Variants in FBXW10 observed in about 807,000 individuals in gnomAD.
The protein encoded by FBXW10 is F-box and WD repeat domain containing 10, also known as F-box/WD repeat-containing protein 10.
In FBXW10, 68 loss-of-function variants were observed where a neutral mutation model predicts 113.1. The observed-to-expected ratio is 0.60, with a 90% CI of 0.49 to 0.74. The LOEUF (loss-of-function observed/expected upper bound fraction) is 0.74. Ranked by LOEUF, FBXW10 falls within the 30% of genes least tolerant of loss-of-function variation. FBXW10 has a pLI of 0.00. For synonymous variants in FBXW10, 289 were observed against 481.6 expected, an observed-to-expected ratio of 0.60 and a Z score of 5.24; for missense variants, 753 against 1,284.5, an observed-to-expected ratio of 0.59 and a Z score of 6.32.
chr17:18,765,347 G>A (rs1408531332), intron 8 of FBXW10, among the ~76,000 whole-genome samples: 3 of 152,150 alleles, frequency 2.0e-5, no homozygotes, highest in Admixed American at 1.3e-4. Context: ...ATAAGTGAAG[G>A]AAAGCATACT....
rs189915194 is a variant in FBXW10, at chr17:18,764,727, G to C, written c.1434-15G>C. On this transcript the variant is annotated splice_polypyrimidine_tract_variant and intron_variant, in intron 7 of 13. Coordinates refer to ENST00000395665, the MANE Select transcript of FBXW10 (RefSeq NM_001267585.2). ...CCTCAGGAACTCTCACATTCTTTTG[G>C]CCTGATTCCTGCAGATACTGGGATC... is the stretch of plus-strand genomic sequence containing the variant. The C allele has an allele frequency of 1.5e-3, 2,398 of 1,613,582 alleles. No individual in the cohort carries two copies. The highest frequency in any genetic ancestry group is 3.2e-3 in the Admixed American group (189 of 59,958).
intron 7 of FBXW10, among the ~76,000 whole-genome samples, chr17:18,763,444 C>T (rs569124218): frequency 5.9e-5 from 9 of 152,146 alleles, no homozygotes; most frequent in African/African-American, 1.9e-4. Context: ...GTGTGAGCCA[C>T]CGTGCCCGGC....
chr17:18,765,918 G>A (rs2035489186), intron 8 of FBXW10, among the ~76,000 whole-genome samples: 2 of 151,388 alleles, frequency 1.3e-5, no homozygotes, highest in Admixed American at 1.3e-4. Context: ...TAGTAGAGAC[G>A]GGGTTTCACC....
In FBXW10 at chr17:18,746,981, G is replaced by A. The variant is rs1316125666; in HGVS notation, c.506-960G>A. On this transcript the variant is annotated intron_variant, in intron 1 of 13. Coordinates refer to ENST00000395665, the MANE Select transcript of FBXW10 (RefSeq NM_001267585.2). ...CTGTTGCCCAGGCTGGAGTGCAGTG[G>A]CCTGATCTTGGCTCACTGCTGCAAG... Among the ~76,000 whole-genome samples the A allele has an allele frequency of 2.1e-4, 32 of 150,692 alleles. No individual in the cohort carries two copies. In the South Asian group the frequency reaches 6.6e-3, roughly 31 times the overall value.
intron 12 of FBXW10, among the ~76,000 whole-genome samples, chr17:18,774,583 C>T (rs775647144): frequency 1.3e-5 from 2 of 152,092 alleles, no homozygotes; most frequent in East Asian, 1.9e-4. Context: ...CACCTGAGGT[C>T]GGGAGTTTGA....
chr17:18,746,995 CACT>C (rs1248834213), intron 1 of FBXW10, among the ~76,000 whole-genome samples: 10 of 149,932 alleles, frequency 6.7e-5, no homozygotes, highest in Middle Eastern at 3.4e-3. Flanking sequence ...GATCTTGGCT[CACT>C]GCTGCAAGCT....
At chr17:18,758,572 T>A in intron 7 of FBXW10, 67 bp downstream of exon 7, 1 of 1,580,702 alleles carries the variant, frequency 6.3e-7, no homozygotes, top group Non-Finnish European at 8.6e-7. Context: ...ATGGAAGAAG[T>A]GTGCATGCTT....
In FBXW10 at chr17:18,748,088, G is replaced by A. The variant is rs767509205; in HGVS notation, c.653G>A (p.Gly218Glu). Reference protein sequence around the residue: ...SKAPENEHLLGAASNPEEPWR... With the variant: ...SKAPENEHLLEAASNPEEPWR... ...GCCCCAGAAAATGAACACTTGCTTG[G>A]GGCAGCATCTAACCCTGGTAAGTGA... Residue 218 changes from glycine (G) to glutamate (E), a missense_variant, in exon 2 of 14, where the codon GGG (glycine) becomes GAG (glutamate). Gly to Glu is a moderately conservative substitution (Grantham distance 98). Coordinates refer to ENST00000395665, the MANE Select transcript of FBXW10 (RefSeq NM_001267585.2). 6.2e-6 allele frequency: 10 copies of A among 1,613,826 alleles called. No homozygotes were observed. The South Asian group carries it at 1.1e-4, about 18-fold the overall frequency.
rs767164305 is a variant in FBXW10, at chr17:18,751,015, A to G, written c.1084A>G (p.Met362Val). 2.5e-6 allele frequency: 4 copies of G among 1,613,994 alleles called. No homozygotes were observed. In the Admixed American group the frequency reaches 5.0e-5, roughly 20 times the overall value. Reference sequence around the variant, plus strand: ...TAAAATGGTAGATGACGGGAAGAGCATGCGTGTGAAACATCCGAAGTGGAA... The same window carrying G: ...TAAAATGGTAGATGACGGGAAGAGCGTGCGTGTGAAACATCCGAAGTGGAA... Reference protein sequence around the residue: ...VPKMVDDGKSMRVKHPKWKLR... With the variant: ...VPKMVDDGKSVRVKHPKWKLR... Residue 362 changes from methionine (M) to valine (V), a missense_variant, in exon 5 of 14, where the codon ATG (methionine) becomes GTG (valine). Transcript: ENST00000395665.
At chr17:18,771,611 G>A (rs2035614374) in intron 11 of FBXW10, among the ~76,000 whole-genome samples, 4 of 152,134 alleles carry the variant, frequency 2.6e-5, no homozygotes. Context: ...GTGTCTGCGT[G>A]GAGGGTCTAT....
Position 18,748,234 on chromosome 17 carries a change from ACGGTGAAACCC to A in FBXW10, c.670+132_670+142del, listed in dbSNP as rs987227590. 44 of 1,459,098 alleles carry A rather than the reference ACGGTGAAACCC, an allele frequency of 3.0e-5. No homozygotes were observed. In the African/African-American group the frequency reaches 6.0e-4, roughly 20 times the overall value. The allele number at this position is 1,459,098 out of a possible 1,614,324, so 90.4% of individuals were successfully genotyped here. ...GGAGATCGAGACCATCCTGGCTAAC[ACGGTGAAACCC>A]CGTCTCTACTAAAAATACAAAAAAA... On this transcript the variant is annotated intron_variant, in intron 2 of 13. Transcript: ENST00000395665.
At chr17:18,765,275 T>C (rs1349435461) in intron 8 of FBXW10, among the ~76,000 whole-genome samples, 2 of 152,252 alleles carry the variant, frequency 1.3e-5, no homozygotes, top group Non-Finnish European at 2.9e-5. Context: ...ACATACATTA[T>C]TTAATCCTCA....
chr17:18,746,922 T>C (rs1185351701), intron 1 of FBXW10, among the ~76,000 whole-genome samples: 17 of 147,620 alleles, frequency 1.2e-4, no homozygotes, highest in East Asian at 3.9e-4. Flanking sequence ...CAACCTTCTT[T>C]TTTTTTTTTT....
At chr17:18,765,048 GTC>G (rs1281310267) in intron 8 of FBXW10, among the ~76,000 whole-genome samples, 185 bp downstream of exon 8, 4 of 151,890 alleles carry the variant, frequency 2.6e-5, no homozygotes, top group African/African-American at 9.7e-5. Context: ...TTCAACAGCT[GTC>G]TGTAGAATAC....
chr17:18,760,585 T>A (rs1194566607), intron 7 of FBXW10, among the ~76,000 whole-genome samples: 1 of 152,144 alleles, frequency 6.6e-6, no homozygotes, highest in African/African-American at 2.4e-5. Flanking sequence ...AGGCGGATCA[T>A]CTGAGGTCGG....
In FBXW10 at chr17:18,778,593, T is replaced by G; in HGVS notation, c.2454T>G (p.Thr818=). 4 of 1,614,032 alleles carry G rather than the reference T, an allele frequency of 2.5e-6. No homozygotes were observed. The highest frequency in any genetic ancestry group is 3.4e-6 in the Non-Finnish European group (4 of 1,179,880). The part of the protein sequence containing the change: ...IPMSPDQFLL[T]VSALQHAHNS... ...TGTCACCTGACCAATTCCTCCTGAC[T>G]GTTAGCGCCCTGCAGCACGCCCATA... Residue 818 remains threonine (T), a synonymous_variant, in exon 14 of 14, where the codon ACT becomes ACG. Coordinates refer to ENST00000395665, the MANE Select transcript of FBXW10 (RefSeq NM_001267585.2).
intron 2 of FBXW10, among the ~76,000 whole-genome samples, 189 bp from the exon 3 acceptor site, chr17:18,749,533 C>T (rs1255758322): frequency 3.6e-5 from 5 of 140,764 alleles, no homozygotes; most frequent in East Asian, 2.0e-4. Flanking sequence ...GGCGACAGAG[C>T]GAGACTCCGT....
chr17:18,767,208 C>T (rs1384304665), intron 9 of FBXW10, among the ~76,000 whole-genome samples: 1 of 151,972 alleles, frequency 6.6e-6, no homozygotes, highest in Non-Finnish European at 1.5e-5. Context: ...CGCAGTGGCT[C>T]ACACCTGTAA....
rs1159536999 is a variant in FBXW10 at position 18,753,255 on chromosome 17, A to G, written c.1122+2202A>G. On this transcript the variant is annotated intron_variant, in intron 5 of 13. Coordinates refer to ENST00000395665, the MANE Select transcript of FBXW10 (RefSeq NM_001267585.2). ...GTGGGCCTGAGTAAAACAGTGGGCC[A>G]TCATGAGCACATTCCTTTCCATTCA... Among the ~76,000 whole-genome samples, 6 of 152,328 alleles carry G rather than the reference A, an allele frequency of 3.9e-5. No homozygotes were observed. In the South Asian group the frequency reaches 8.3e-4, roughly 21 times the overall value.
Sources: allele counts gnomAD v4.1 joint callset (sites outside exome capture counted in the v4.1 genomes callset), GRCh38; gene constraint gnomAD v4.1.1; transcripts MANE v1.5; gene names NCBI Gene and HGNC (gene_info 2026-07-23, HGNC 2026-07-21).